TACC2: variants seen among roughly 807,000 people sequenced by gnomAD.
The protein encoded by TACC2 is transforming acidic coiled-coil-containing protein 2.
In TACC2, 137 loss-of-function variants were observed where a neutral mutation model predicts 227.3. That is an observed-to-expected ratio of 0.60 (90% CI 0.52 to 0.69). The LOEUF (loss-of-function observed/expected upper bound fraction) is 0.69. Ranked by LOEUF, TACC2 falls within the 30% of genes least tolerant of loss-of-function variation. The pLI is 0.00. For synonymous variants in TACC2, 1,523 were observed against 1,487.5 expected, an observed-to-expected ratio of 1.02 and a Z score of -0.55; for missense variants, 3,470 against 3,694.4, an observed-to-expected ratio of 0.94 and a Z score of 1.57.
intron 8 of TACC2, among the ~76,000 whole-genome samples, chr10:122,201,620 C>T (rs992188535): frequency 6.6e-6 from 1 of 152,226 alleles, no homozygotes; most frequent in African/African-American, 2.4e-5. Flanking sequence ...GTAATGACCT[C>T]GCTGGAGGGG....
chr10:122,040,496 A>G (rs2074118131), intron 2 of TACC2, among the ~76,000 whole-genome samples: 1 of 152,176 alleles, frequency 6.6e-6, no homozygotes, highest in Admixed American at 6.5e-5. Flanking sequence ...AGAGCCCTAC[A>G]GGGGACATCT....
intron 6 of TACC2, among the ~76,000 whole-genome samples, chr10:122,142,960 C>A (rs960314988): frequency 6.6e-6 from 1 of 152,176 alleles, no homozygotes; most frequent in South Asian, 2.1e-4. Flanking sequence ...GTGCTACCCC[C>A]GGAGGCCCCG....
At chr10:122,144,253 A>G (rs796424208) in intron 7 of TACC2, among the ~76,000 whole-genome samples, 8 of 152,076 alleles carry the variant, frequency 5.3e-5, no homozygotes, top group African/African-American at 1.7e-4. Flanking sequence ...GCTTTACTCA[A>G]AATCTACTGA....
At chr10:122,028,572 C>T (rs9420342) in intron 2 of TACC2, among the ~76,000 whole-genome samples, 67,130 of 151,846 alleles carry the variant, frequency 0.44, 16,057 homozygotes, top group African/African-American at 0.62. Context: ...ATTTTGTATC[C>T]TGTGACCTTG....
intron 7 of TACC2, among the ~76,000 whole-genome samples, chr10:122,185,443 G>A (rs541834886): frequency 2.8e-4 from 42 of 152,224 alleles, no homozygotes; most frequent in African/African-American, 9.1e-4. Context: ...CGGTCCACCC[G>A]CCTCAGCCTC....
intron 2 of TACC2, among the ~76,000 whole-genome samples, chr10:122,029,280 A>G (rs1323307971): frequency 6.6e-6 from 1 of 151,894 alleles, no homozygotes; most frequent in African/African-American, 2.4e-5. Flanking sequence ...CTCTGCATCA[A>G]TCGATGTAAT....
intron 6 of TACC2, among the ~76,000 whole-genome samples, chr10:122,136,940 A>C: frequency 6.6e-6 from 1 of 152,150 alleles, no homozygotes; most frequent in East Asian, 1.9e-4. Context: ...AACAGAGAGC[A>C]AGCCTCACTC....
chr10:122,028,087 T>TTTTTTTTTTTTCTTTCTTTCTTTCTTTC (rs1565104991), intron 2 of TACC2, among the ~76,000 whole-genome samples: 3 of 111,320 alleles, frequency 2.7e-5, no homozygotes, highest in African/African-American at 1.2e-4. Flanking sequence ...TTTCTTTCTT[T>TTTTTTTTTTTTCTTTCTTTCTTTCTTTC]TTTTTTTTTT....
Position 122,008,409 on chromosome 10 carries a change from T to C in TACC2, c.-45-13528T>C, listed in dbSNP as rs570656934. Among the ~76,000 whole-genome samples the C allele has an allele frequency of 4.7e-5, 7 of 150,502 alleles. No individual in the cohort carries two copies. The South Asian group carries it at 8.5e-4, about 18-fold the overall frequency. ...TCGAGTAGCCGGGATTACAGGCATGTGCCACCAGGCCTGGCTAATATTGTA... is the reference window on the plus strand; with the variant it reads ...TCGAGTAGCCGGGATTACAGGCATGCGCCACCAGGCCTGGCTAATATTGTA... On this transcript the variant is annotated intron_variant, in intron 1 of 22. Coordinates refer to ENST00000369005, the MANE Select transcript of TACC2 (RefSeq NM_206862.4).
At chr10:122,111,991 TA>T (rs1488328720) in intron 5 of TACC2, among the ~76,000 whole-genome samples, 3 of 152,178 alleles carry the variant, frequency 2.0e-5, no homozygotes, top group Non-Finnish European at 4.4e-5. Flanking sequence ...TAAAAAACAA[TA>T]TTTTCGCAGA....
At chr10:122,249,964 G>A (rs1282074971) in intron 22 of TACC2, among the ~76,000 whole-genome samples, 1 of 152,218 alleles carries the variant, frequency 6.6e-6, no homozygotes. Context: ...TGTGTTAGGC[G>A]TAGCCCTTGA....
At chr10:122,249,013 G>C (rs376213220) in intron 20 of TACC2, 37 bp from the exon 21 acceptor site, 8 of 1,586,814 alleles carry the variant, frequency 5.0e-6, no homozygotes, top group Non-Finnish European at 6.9e-6. Flanking sequence ...ATTTGTTCTC[G>C]TGGGCTTGAC....
intron 3 of TACC2, among the ~76,000 whole-genome samples, chr10:122,078,508 G>T (rs142615231): frequency 2.6e-5 from 4 of 152,264 alleles, no homozygotes; most frequent in African/African-American, 7.2e-5. Context: ...TCACTGTGCT[G>T]TGTACATCTG....
At chr10:122,195,865 C>T (rs1445274339) in intron 8 of TACC2, among the ~76,000 whole-genome samples, 1 of 152,160 alleles carries the variant, frequency 6.6e-6, no homozygotes, top group Non-Finnish European at 1.5e-5. Flanking sequence ...GAAATGGTCC[C>T]ACAGGCTGGC....
At chr10:122,047,425 TG>T (rs2075145874) in intron 2 of TACC2, among the ~76,000 whole-genome samples, 1 of 151,804 alleles carries the variant, frequency 6.6e-6, no homozygotes, top group Non-Finnish European at 1.5e-5. Context: ...GATGCACAGA[TG>T]AAGAGGCTGA....
intron 8 of TACC2, among the ~76,000 whole-genome samples, chr10:122,201,898 G>T (rs376299234): frequency 6.6e-6 from 1 of 152,182 alleles, no homozygotes; most frequent in African/African-American, 2.4e-5. Flanking sequence ...TCACCAAGCC[G>T]ATTAGTGGCA....
chr10:122,097,909 G>T (rs2081641940), intron 5 of TACC2, among the ~76,000 whole-genome samples: 1 of 152,146 alleles, frequency 6.6e-6, no homozygotes, highest in Admixed American at 6.5e-5. Flanking sequence ...CCCAGCAAAT[G>T]TGCACCCAAG....
At chr10:122,230,094 T>A (rs896062530) in intron 15 of TACC2, among the ~76,000 whole-genome samples, 10 of 152,184 alleles carry the variant, frequency 6.6e-5, no homozygotes, top group Non-Finnish European at 1.5e-4. Flanking sequence ...AAAATTTTGA[T>A]CCCATTTTGA....
intron 2 of TACC2, among the ~76,000 whole-genome samples, chr10:122,031,397 CTTTTTTTTTTTT>C (rs758476678): frequency 1.1e-5 from 1 of 91,738 alleles, no homozygotes; most frequent in Non-Finnish European, 2.0e-5. Context: ...GGTCTAGCCT[CTTTTTTTTTTTT>C]TTTTTTTTTT....
Sources: allele counts gnomAD v4.1 joint callset (sites outside exome capture counted in the v4.1 genomes callset), GRCh38; gene constraint gnomAD v4.1.1; transcripts MANE v1.5; gene names NCBI Gene and HGNC (gene_info 2026-07-23, HGNC 2026-07-21).